The following TMEM132D variants were observed in gnomAD, a reference collection of about 807,000 sequenced individuals.
The protein encoded by TMEM132D is mature OL transmembrane protein.
TMEM132D carries 21 observed loss-of-function variants against 62.3 expected under a neutral mutation model. The ratio of observed to expected loss-of-function variants is 0.34; its 90% CI spans 0.24 to 0.49. The LOEUF (loss-of-function observed/expected upper bound fraction) is 0.49. Ranked by LOEUF, TMEM132D falls within the 20% of genes least tolerant of loss-of-function variation. The pLI, the probability that TMEM132D is intolerant of heterozygous loss-of-function variation, is 0.99. For missense variants in TMEM132D, 1,346 were observed against 1,402.8 expected, an observed-to-expected ratio of 0.96 and a Z score of 0.65; for synonymous variants, 621 against 575.6, an observed-to-expected ratio of 1.08 and a Z score of -1.13.
intron 7 of TMEM132D, among the ~76,000 whole-genome samples, chr12:129,079,805 G>C (rs1483686429): frequency 3.3e-5 from 5 of 152,134 alleles, no homozygotes; most frequent in African/African-American, 1.2e-4. Context: ...GTGGACAAGT[G>C]AATTTATGAC....
chr12:129,737,943 C>A (rs76099335), intron 1 of TMEM132D, among the ~76,000 whole-genome samples: 2 of 152,198 alleles, frequency 1.3e-5, no homozygotes, highest in African/African-American at 4.8e-5. Context: ...CAAAGACTCA[C>A]CTGCAACCAA....
intron 2 of TMEM132D, among the ~76,000 whole-genome samples, chr12:129,608,608 T>C (rs562546437): frequency 4.8e-4 from 73 of 152,220 alleles, no homozygotes; most frequent in Non-Finnish European, 7.8e-4. Flanking sequence ...GAAAAAATCA[T>C]GTCGCGTTTA....
At chr12:129,753,733 C>A (rs1329856367) in intron 1 of TMEM132D, among the ~76,000 whole-genome samples, 1 of 152,118 alleles carries the variant, frequency 6.6e-6, no homozygotes, top group African/African-American at 2.4e-5. Flanking sequence ...TGCGTGTTTC[C>A]TATTATGCAA....
chr12:129,770,553 G>A (rs1735640854), intron 1 of TMEM132D, among the ~76,000 whole-genome samples: 2 of 152,158 alleles, frequency 1.3e-5, no homozygotes, highest in South Asian at 4.1e-4. Context: ...ACATATTACT[G>A]AGAATCAGGG....
intron 3 of TMEM132D, among the ~76,000 whole-genome samples, chr12:129,481,848 A>C (rs1874439057): frequency 6.6e-6 from 1 of 152,114 alleles, no homozygotes; most frequent in Non-Finnish European, 1.5e-5. Flanking sequence ...TATTCACACC[A>C]TTAGGTAACC....
chr12:129,722,119 C>T (rs73434164), intron 1 of TMEM132D, among the ~76,000 whole-genome samples: 22,696 of 152,212 alleles, frequency 0.15, 1,781 homozygotes, highest in East Asian at 0.17. Flanking sequence ...TTAGGTCCCA[C>T]GCTGCTTTTC....
chr12:129,747,461 C>T (rs1474391931), intron 1 of TMEM132D, among the ~76,000 whole-genome samples: 1 of 150,274 alleles, frequency 6.7e-6, no homozygotes, highest in Non-Finnish European at 1.5e-5. Context: ...CTCTCACACA[C>T]ATTCAGACAC....
At chr12:129,399,474 A>C (rs1030575794) in intron 3 of TMEM132D, among the ~76,000 whole-genome samples, 3 of 32,188 alleles carry the variant, frequency 9.3e-5, no homozygotes. Flanking sequence ...AAATAACTGC[A>C]TTAATCCACT....
intron 4 of TMEM132D, among the ~76,000 whole-genome samples, chr12:129,334,524 T>G (rs1869213632): frequency 6.6e-6 from 1 of 152,156 alleles, no homozygotes; most frequent in Admixed American, 6.5e-5. Flanking sequence ...ATACAAAAGG[T>G]AGATCAGACA....
intron 1 of TMEM132D, among the ~76,000 whole-genome samples, chr12:129,817,695 G>A (rs1872394805): frequency 6.7e-6 from 1 of 149,452 alleles, no homozygotes; most frequent in East Asian, 2.0e-4. Flanking sequence ...GTGTATGTGT[G>A]TGTATCTGTG....
intron 1 of TMEM132D, among the ~76,000 whole-genome samples, chr12:129,870,692 G>A (rs1222785064): frequency 6.6e-6 from 1 of 152,142 alleles, no homozygotes; most frequent in Non-Finnish European, 1.5e-5. Context: ...CTGCTTTATT[G>A]AACCTAAAGA....
chr12:129,600,791 A>T (rs975479702), intron 2 of TMEM132D, among the ~76,000 whole-genome samples: 1 of 152,166 alleles, frequency 6.6e-6, no homozygotes, highest in Non-Finnish European at 1.5e-5. Context: ...CAGTAGACAG[A>T]TGTGTGCTGT....
intron 5 of TMEM132D, among the ~76,000 whole-genome samples, chr12:129,191,999 T>C (rs4964842): frequency 0.93 from 141,713 of 152,320 alleles, 66,052 homozygotes; most frequent in East Asian, 0.96. Context: ...GTACGAAAGC[T>C]TCCATCATAT....
rs1880308147 is a variant in TMEM132D, at chr12:129,663,930, A to ATTTTATT, written c.968+35879_968+35880insAATAAAA. Among the ~76,000 whole-genome samples the ATTTTATT allele has an allele frequency of 2.1e-5, 3 of 146,296 alleles. No individual in the cohort carries two copies. The South Asian group carries it at 6.4e-4, about 31-fold the overall frequency. ...TGCATGGAATTTAGAGATTTTAGCCATTATTCTCAAATTAGGAAAAACAAA... is the reference window on the plus strand; with the variant it reads ...TGCATGGAATTTAGAGATTTTAGCCATTTTATTTTATTCTCAAATTAGGAAAAACAAA... On this transcript the variant is annotated intron_variant, in intron 2 of 8. Coordinates refer to ENST00000422113, the MANE Select transcript of TMEM132D (RefSeq NM_133448.3).
At chr12:129,730,659 G>A (rs910827893) in intron 1 of TMEM132D, among the ~76,000 whole-genome samples, 1 of 151,840 alleles carries the variant, frequency 6.6e-6, no homozygotes, top group Non-Finnish European at 1.5e-5. Flanking sequence ...ATTAACATTT[G>A]AGTCAGTGGA....
chr12:129,328,404 T>G (rs914141489), intron 4 of TMEM132D, among the ~76,000 whole-genome samples: 14 of 152,224 alleles, frequency 9.2e-5, no homozygotes, highest in Non-Finnish European at 2.1e-4. Context: ...ATTTGTTCAC[T>G]GATAGCAACT....
chr12:129,101,654 G>T (rs1875311478), intron 5 of TMEM132D, among the ~76,000 whole-genome samples: 1 of 152,168 alleles, frequency 6.6e-6, no homozygotes, highest in Non-Finnish European at 1.5e-5. Flanking sequence ...TTGGAGGCAG[G>T]CTTTCTGGCG....
At chr12:129,187,477 G>A (rs1410959350) in intron 5 of TMEM132D, among the ~76,000 whole-genome samples, 1 of 152,154 alleles carries the variant, frequency 6.6e-6, no homozygotes, top group Non-Finnish European at 1.5e-5. Flanking sequence ...GAGCAGGGGA[G>A]AACCAGAATG....
intron 3 of TMEM132D, among the ~76,000 whole-genome samples, chr12:129,464,187 T>A (rs1873798096): frequency 6.6e-6 from 1 of 151,726 alleles, no homozygotes; most frequent in Non-Finnish European, 1.5e-5. Context: ...TGAGATGGTA[T>A]CTCATTGTGG....
Sources: allele counts gnomAD v4.1 joint callset (sites outside exome capture counted in the v4.1 genomes callset), GRCh38; gene constraint gnomAD v4.1.1; transcripts MANE v1.5; gene names NCBI Gene and HGNC (gene_info 2026-07-23, HGNC 2026-07-21).